DCBLD2: variants seen among roughly 807,000 people sequenced by gnomAD.
DCBLD2 encodes the protein discoidin, CUB and LCCL domain containing 2, also known as discoidin, CUB and LCCL domain-containing protein 2.
In DCBLD2, 54 loss-of-function variants were observed where a neutral mutation model predicts 86.8. The ratio of observed to expected loss-of-function variants is 0.62; its 90% CI spans 0.50 to 0.78. The LOEUF is 0.78. Ranked by LOEUF, DCBLD2 falls within the 30% of genes least tolerant of loss-of-function variation. DCBLD2 has a pLI of 0.00. For synonymous variants in DCBLD2, 354 were observed against 341.3 expected, an observed-to-expected ratio of 1.04 and a Z score of -0.41; for missense variants, 908 against 954.2, an observed-to-expected ratio of 0.95 and a Z score of 0.64.
At chr3:98,812,962 C>T (rs1444666722) in intron 9 of DCBLD2, 4 of 152,634 alleles carry the variant, frequency 2.6e-5, no homozygotes, top group African/African-American at 9.6e-5. Flanking sequence ...CATATACTAA[C>T]AAACATATAA....
At chr3:98,872,610 A>G (rs368279337) in intron 2 of DCBLD2, among the ~76,000 whole-genome samples, 41 of 152,220 alleles carry the variant, frequency 2.7e-4, no homozygotes, top group African/African-American at 9.2e-4. Flanking sequence ...TAGTTCATTG[A>G]ATGTTTTATA....
rs56279917 is a variant in DCBLD2, at chr3:98,835,938, C to CTTTCTTTTT, written c.572-10573_572-10572insAAAAAGAAA. Among the ~76,000 whole-genome samples the CTTTCTTTTT allele has an allele frequency of 4.4e-3, 507 of 115,024 alleles. 5 individuals are homozygous for CTTTCTTTTT. Among genetic ancestry groups the CTTTCTTTTT allele is most frequent in the Admixed American group, 7.5e-3 (83 of 11,124 alleles). The allele number at this position is 115,024 out of a possible 152,430, so 75.5% of individuals were successfully genotyped here. A position where few individuals can be genotyped will look rare whatever the true frequency, so the allele number is the denominator to read the frequency against. ...TCTTTCTTTCTTCCTTCCTTTCTTT[C>CTTTCTTTTT]TTTTTTTTTTTTTTTAAGATTTTTA... On this transcript the variant is annotated intron_variant, in intron 3 of 15. Transcript: ENST00000326840.
chr3:98,901,112 G>A lies in DCBLD2; in HGVS notation c.205+10C>T, dbSNP rs1428704004. The A allele has an allele frequency of 6.5e-7, 1 of 1,539,424 alleles. No homozygotes were observed. On this transcript the variant is annotated intron_variant, in intron 1 of 15. Transcript: ENST00000326840. ...GTTCCCCCGCCGCTCACTCCCCTGG[G>A]ACCACTCACCTTGCTGGGCTCCAGC...
chr3:98,822,751 G>A lies in DCBLD2; in HGVS notation c.624-10C>T, dbSNP rs1460569087. ...AGCTGGGCAGTACTTACTGAGAAAT[G>A]AAAACAAGCAAAAGGTTACATAATG... On this transcript the variant is annotated splice_polypyrimidine_tract_variant and intron_variant, in intron 4 of 15. Coordinates refer to ENST00000326840, the MANE Select transcript of DCBLD2 (RefSeq NM_080927.4). 3 of 1,578,326 alleles carry A rather than the reference G, an allele frequency of 1.9e-6. No homozygotes were observed. Among genetic ancestry groups the A allele is most frequent in the Non-Finnish European group, 2.6e-6 (3 of 1,162,560 alleles).
chr3:98,799,341 A>C lies in DCBLD2; in HGVS notation c.*31T>G. 6.4e-7 allele frequency: 1 copy of C among 1,562,752 alleles called. No homozygotes were observed. Among genetic ancestry groups the C allele is most frequent in the South Asian group, 1.2e-5 (1 of 81,742 alleles). On this transcript the variant is annotated 3_prime_UTR_variant, in exon 16 of 16. Coordinates refer to ENST00000326840, the MANE Select transcript of DCBLD2 (RefSeq NM_080927.4). ...TAAAAAAAAAAGGCCATGTGCTTTA[A>C]AACGATGCTTTGTAAAAAGCAGCAT...
intron 3 of DCBLD2, among the ~76,000 whole-genome samples, chr3:98,826,175 CA>C (rs11453585): frequency 6.7e-6 from 1 of 149,220 alleles, no homozygotes; most frequent in Non-Finnish European, 1.5e-5. Flanking sequence ...AAAAAAAAAG[CA>C]AAAAAAACAA....
At chr3:98,882,394 A>G (rs1324936280) in intron 1 of DCBLD2, among the ~76,000 whole-genome samples, 4 of 152,160 alleles carry the variant, frequency 2.6e-5, no homozygotes, top group African/African-American at 9.7e-5. Context: ...GAACCAAAAT[A>G]TCTGTGAGAA....
chr3:98,842,026 C>T (rs1220257550), intron 3 of DCBLD2, among the ~76,000 whole-genome samples: 1 of 152,164 alleles, frequency 6.6e-6, no homozygotes, highest in African/African-American at 2.4e-5. Context: ...GATCGTGCCA[C>T]TGTACTACAG....
At chr3:98,895,876 A>T (rs890079589) in intron 1 of DCBLD2, among the ~76,000 whole-genome samples, 4 of 152,132 alleles carry the variant, frequency 2.6e-5, no homozygotes, top group Non-Finnish European at 5.9e-5. Context: ...GTACATGCAC[A>T]CTCTCTTGAG....
At chr3:98,868,757 T>G (rs943080205) in intron 2 of DCBLD2, among the ~76,000 whole-genome samples, 1 of 152,186 alleles carries the variant, frequency 6.6e-6, no homozygotes, top group Non-Finnish European at 1.5e-5. Context: ...CCCAGTTCTA[T>G]CCAAGGAGCT....
chr3:98,860,094 T>C (rs994306809), intron 2 of DCBLD2, among the ~76,000 whole-genome samples: 1 of 152,146 alleles, frequency 6.6e-6, no homozygotes, highest in Non-Finnish European at 1.5e-5. Flanking sequence ...CTTCAGTAGA[T>C]AATTCAATCA....
At chr3:98,875,004 C>T (rs1467537715) in intron 2 of DCBLD2, among the ~76,000 whole-genome samples, 1 of 152,082 alleles carries the variant, frequency 6.6e-6, no homozygotes, top group African/African-American at 2.4e-5. Flanking sequence ...ATAAGGAACC[C>T]GGAAAGGATG....
intron 2 of DCBLD2, among the ~76,000 whole-genome samples, chr3:98,870,265 T>C (rs1020149906): frequency 2.0e-5 from 3 of 152,222 alleles, no homozygotes; most frequent in African/African-American, 4.8e-5. Context: ...TTTGGCTTTA[T>C]ATCTGGGTTC....
In DCBLD2 at chr3:98,805,677, T is replaced by C. The variant is rs534588560; in HGVS notation, c.1670+2404A>G. Among the ~76,000 whole-genome samples, 5 of 152,288 alleles carry C rather than the reference T, an allele frequency of 3.3e-5. No homozygotes were observed. The East Asian group carries it at 9.6e-4, about 29-fold the overall frequency. ...GTGATTTCAACTACGTTCCTAACAG[T>C]AACTTCAATTCTCCAGCTCAGATCG... is the stretch of plus-strand genomic sequence containing the variant. On this transcript the variant is annotated intron_variant, in intron 13 of 15. Coordinates refer to ENST00000326840, the MANE Select transcript of DCBLD2 (RefSeq NM_080927.4).
chr3:98,822,461 TCTTCATAAA>T lies in DCBLD2; in HGVS notation c.697-109_697-101del, dbSNP rs1300047763. 3.5e-6 allele frequency: 5 copies of T among 1,442,238 alleles called. No individual in the cohort carries two copies. The African/African-American group carries it at 4.3e-5, about 12-fold the overall frequency. 89.3% of individuals were successfully genotyped at this position (1,442,238 alleles called of 1,614,324 possible). Reference sequence around the variant, plus strand: ...GAGAAATCAGTTAATCTAGGCAGTTTCTTCATAAACTTCATAAACAAAAATAGATTATTG... The same window carrying T: ...GAGAAATCAGTTAATCTAGGCAGTTTCTTCATAAACAAAAATAGATTATTG... On this transcript the variant is annotated intron_variant, in intron 5 of 15. Transcript: ENST00000326840.
At chr3:98,890,583 G>A (rs1472680441) in intron 1 of DCBLD2, 1 of 152,080 alleles carries the variant, frequency 6.6e-6, no homozygotes, top group African/African-American at 2.4e-5. Context: ...GCTGCCAAAA[G>A]CCAATGGAGA....
At chr3:98,826,079 G>A (rs1208947423) in intron 3 of DCBLD2, among the ~76,000 whole-genome samples, 1 of 151,944 alleles carries the variant, frequency 6.6e-6, no homozygotes, top group Non-Finnish European at 1.5e-5. Context: ...AACATTTTCT[G>A]CCTAGAAACC....
intron 2 of DCBLD2, among the ~76,000 whole-genome samples, chr3:98,856,563 C>T (rs558178612): frequency 1.4e-4 from 22 of 152,000 alleles, no homozygotes; most frequent in Admixed American, 2.6e-4. Flanking sequence ...AAACCCTCTC[C>T]CCCTATAAAA....
At chr3:98,816,161 A>AAC (rs1170479088) in intron 9 of DCBLD2, 1 of 151,824 alleles carries the variant, frequency 6.6e-6, no homozygotes, top group African/African-American at 2.4e-5. Context: ...GAGGAACAGA[A>AAC]ATAATAGCAG....
Sources: allele counts gnomAD v4.1 joint callset (sites outside exome capture counted in the v4.1 genomes callset), GRCh38; gene constraint gnomAD v4.1.1; transcripts MANE v1.5; gene names NCBI Gene and HGNC (gene_info 2026-07-23, HGNC 2026-07-21).